GABRA3: variants seen among roughly 807,000 people sequenced by gnomAD.
GABRA3 encodes the protein gamma-aminobutyric acid type A receptor subunit alpha3.
GABRA3 carries 10 observed loss-of-function variants against 30.1 expected under a neutral mutation model. The observed-to-expected ratio is 0.33, with a 90% CI of 0.20 to 0.56. The LOEUF (loss-of-function observed/expected upper bound fraction) is 0.56. Among genes scored for constraint, GABRA3 ranks in the 20% least tolerant of loss-of-function variants. The pLI, the probability that GABRA3 is intolerant of heterozygous loss-of-function variation, is 0.89. For synonymous variants in GABRA3, 151 were observed against 146.8 expected (o/e 1.03, Z -0.21); for missense variants, 233 against 392.0 (o/e 0.59, Z 3.42).
At chrX:152,338,844 CATGTGGATTTAT>C (rs1408243141) in intron 3 of GABRA3, among the ~76,000 whole-genome samples, 3 of 111,283 alleles carry the variant, frequency 2.7e-5, no homozygotes, top group Non-Finnish European at 5.6e-5. Flanking sequence ...TGGCTGTAAA[CATGTGGATTTAT>C]ATGTGGGTTT....
chrX:152,312,287 C>T lies in GABRA3; in HGVS notation c.263-27552G>A, dbSNP rs763704329. On this transcript the variant is annotated intron_variant, in intron 3 of 9. Coordinates refer to ENST00000370314, the MANE Select transcript of GABRA3 (RefSeq NM_000808.4). ...AGTATGGCACTAGAACAAAAACAGA[C>T]ACATAGACCAATAGAACATGCTACA... Among the ~76,000 whole-genome samples, 13 of 111,923 alleles carry T rather than the reference C, an allele frequency of 1.2e-4. 1 individual carries two copies. Among genetic ancestry groups the T allele is most frequent in the African/African-American group, 3.9e-4 (12 of 30,855 alleles).
intron 2 of GABRA3, among the ~76,000 whole-genome samples, chrX:152,362,570 A>G (rs1452194011): frequency 8.9e-6 from 1 of 111,979 alleles, no homozygotes; most frequent in East Asian, 2.8e-4. Flanking sequence ...CATGCATTAC[A>G]GAAAAAAATA....
At chrX:152,416,634 TAC>T (rs1166147090) in intron 1 of GABRA3, among the ~76,000 whole-genome samples, 25 of 111,125 alleles carry the variant, frequency 2.2e-4, no homozygotes, top group African/African-American at 7.9e-4. Flanking sequence ...ACTACAAGGC[TAC>T]ACAGTAACCA....
At chrX:152,335,273 C>T (rs1450231398) in intron 3 of GABRA3, among the ~76,000 whole-genome samples, 1 of 111,698 alleles carries the variant, frequency 9.0e-6, no homozygotes, top group Non-Finnish European at 1.9e-5. Flanking sequence ...GCCTTGTTCT[C>T]ACCCCAAGAA....
chrX:152,263,797 C>G (rs1938773696), intron 4 of GABRA3, among the ~76,000 whole-genome samples: 1 of 111,083 alleles, frequency 9.0e-6, no homozygotes, highest in Non-Finnish European at 1.9e-5. Context: ...ATCAAACTCC[C>G]AAAGGTCAAA....
chrX:152,272,507 G>A (rs748891575), intron 4 of GABRA3, among the ~76,000 whole-genome samples: 1 of 112,344 alleles, frequency 8.9e-6, no homozygotes, highest in East Asian at 2.8e-4. Flanking sequence ...AGGCTCGTAG[G>A]TGGAAAGGAC....
intron 3 of GABRA3, among the ~76,000 whole-genome samples, chrX:152,314,050 A>G (rs1018821948): frequency 5.4e-5 from 6 of 111,823 alleles, no homozygotes; most frequent in Non-Finnish European, 1.1e-4. Flanking sequence ...CATGAGGTCA[A>G]AAGTATGACT....
intron 3 of GABRA3, among the ~76,000 whole-genome samples, chrX:152,304,550 G>C (rs1014731884): frequency 8.9e-6 from 1 of 111,832 alleles, no homozygotes; most frequent in East Asian, 2.8e-4. Context: ...TTATTGAATA[G>C]GGTGTCCTTT....
At chrX:152,347,286 T>C (rs556483182) in intron 2 of GABRA3, among the ~76,000 whole-genome samples, 3 of 111,479 alleles carry the variant, frequency 2.7e-5, no homozygotes, top group Middle Eastern at 9.3e-3. Context: ...GAGCTAAAAA[T>C]TAAAACAATT....
intron 3 of GABRA3, among the ~76,000 whole-genome samples, chrX:152,323,603 A>G (rs1386381646): frequency 2.4e-4 from 27 of 112,364 alleles, no homozygotes; most frequent in Non-Finnish European, 1.9e-5. Flanking sequence ...TTCCTTCTGC[A>G]CTAGTAGCAG....
chrX:152,333,068 G>T (rs981398303), intron 3 of GABRA3, among the ~76,000 whole-genome samples: 1 of 111,574 alleles, frequency 9.0e-6, no homozygotes, highest in Non-Finnish European at 1.9e-5. Context: ...TTTTCTTCCC[G>T]GGGCAATTTT....
chrX:152,232,232 T>C (rs5969870), intron 5 of GABRA3, among the ~76,000 whole-genome samples: 248 of 111,562 alleles, frequency 2.2e-3, no homozygotes, highest in African/African-American at 7.5e-3. Flanking sequence ...TTCTTTTTTT[T>C]CTTTTTAGAA....
intron 4 of GABRA3, among the ~76,000 whole-genome samples, chrX:152,271,888 T>C (rs1287829088): frequency 8.9e-6 from 1 of 111,998 alleles, no homozygotes; most frequent in Admixed American, 9.4e-5. Flanking sequence ...GCCTTGGCAG[T>C]TTCCATGTGA....
At chrX:152,341,538 C>A (rs1390118461) in intron 3 of GABRA3, among the ~76,000 whole-genome samples, 3 of 101,960 alleles carry the variant, frequency 2.9e-5, no homozygotes, top group Non-Finnish European at 5.9e-5. Context: ...ATAACAACAT[C>A]TATTGACTTT....
intron 5 of GABRA3, among the ~76,000 whole-genome samples, chrX:152,243,814 C>T (rs1938420416): frequency 8.9e-6 from 1 of 112,121 alleles, no homozygotes; most frequent in Non-Finnish European, 1.9e-5. Flanking sequence ...TGCATATGGT[C>T]ATTTGAAACA....
chrX:152,301,359 C>T (rs1159852576), intron 3 of GABRA3, among the ~76,000 whole-genome samples: 6 of 111,596 alleles, frequency 5.4e-5, no homozygotes, highest in African/African-American at 2.0e-4. Flanking sequence ...ATAAGAAATT[C>T]CAAAGAAGTT....
chrX:152,425,997 C>G (rs1930507022), intron 1 of GABRA3, among the ~76,000 whole-genome samples: 1 of 110,963 alleles, frequency 9.0e-6, no homozygotes, highest in South Asian at 3.8e-4. Context: ...CTTCCTATGA[C>G]TTCTTATAAT....
chrX:152,279,229 T>C (rs1479751496), intron 4 of GABRA3, among the ~76,000 whole-genome samples: 2 of 111,843 alleles, frequency 1.8e-5, no homozygotes, highest in African/African-American at 3.3e-5. Context: ...TCTTCTAGGG[T>C]TTTTATGGTT....
intron 5 of GABRA3, among the ~76,000 whole-genome samples, chrX:152,228,050 T>C (rs967566430): frequency 4.5e-5 from 5 of 111,868 alleles, no homozygotes; most frequent in Admixed American, 9.5e-5. Context: ...ATTGCCCTCA[T>C]AGTGACCACT....
Sources: allele counts gnomAD v4.1 joint callset (sites outside exome capture counted in the v4.1 genomes callset), GRCh38; gene constraint gnomAD v4.1.1; transcripts MANE v1.5; gene names NCBI Gene and HGNC (gene_info 2026-07-23, HGNC 2026-07-21).